Variants in UBE2F observed in about 807,000 individuals in gnomAD.
UBE2F encodes ubiquitin conjugating enzyme E2 F (putative), also known as NEDD8-conjugating enzyme UBE2F.
A neutral mutation model predicts 29.6 loss-of-function variants in UBE2F; 5 were observed. The observed-to-expected ratio is 0.17, with a 90% CI of 0.09 to 0.36. The LOEUF (loss-of-function observed/expected upper bound fraction) is 0.36, where lower values mean the gene tolerates loss of function less well. Ranked by LOEUF, UBE2F falls within the 10% of genes least tolerant of loss-of-function variation. The pLI, the probability that UBE2F is intolerant of heterozygous loss-of-function variation, is 1.00. For synonymous variants in UBE2F, 66 were observed against 81.8 expected, an observed-to-expected ratio of 0.81 and a Z score of 1.04; for missense variants, 141 against 228.5, an observed-to-expected ratio of 0.62 and a Z score of 2.47.
At chr2:238,035,545 T>G (rs1272316863) in intron 8 of UBE2F, 1 of 197,698 alleles carries the variant, frequency 5.1e-6, no homozygotes, top group African/African-American at 2.3e-5. Context: ...TTGGAAATGC[T>G]TAATAATAGT....
intron 4 of UBE2F, among the ~76,000 whole-genome samples, chr2:238,015,675 G>T (rs1440886876): frequency 6.6e-6 from 1 of 152,130 alleles, no homozygotes; most frequent in Non-Finnish European, 1.5e-5. Flanking sequence ...AAAATGATAA[G>T]ATTTAATATT....
At chr2:238,008,106 G>A (rs2326005) in intron 4 of UBE2F, among the ~76,000 whole-genome samples, 74,928 of 151,836 alleles carry the variant, frequency 0.49, 18,989 homozygotes, top group African/African-American at 0.61. Flanking sequence ...GATGCCCATC[G>A]TCTGTAGTGG....
intron 7 of UBE2F, among the ~76,000 whole-genome samples, chr2:238,031,038 A>G (rs1576639519): frequency 6.6e-6 from 1 of 152,208 alleles, no homozygotes; most frequent in Admixed American, 6.5e-5. Context: ...GGTACCTAAC[A>G]TCAGGCAGGG....
intron 6 of UBE2F, among the ~76,000 whole-genome samples, chr2:238,025,703 C>T (rs377707690): frequency 6.6e-6 from 1 of 152,136 alleles, no homozygotes; most frequent in African/African-American, 2.4e-5. Context: ...TGCCTTGTTC[C>T]CCTCCTATTT....
intron 2 of UBE2F, among the ~76,000 whole-genome samples, chr2:237,981,501 G>GT (rs977927900): frequency 2.6e-5 from 4 of 151,992 alleles, no homozygotes; most frequent in African/African-American, 9.7e-5. Context: ...TGTGACTGTG[G>GT]TGGGATCATT....
intron 4 of UBE2F, among the ~76,000 whole-genome samples, chr2:238,015,605 ATGACT>A (rs1227901597): frequency 3.3e-5 from 5 of 152,194 alleles, no homozygotes; most frequent in Non-Finnish European, 7.4e-5. Context: ...TTTTTTAATG[ATGACT>A]TGTTTGAGGC....
intron 5 of UBE2F, among the ~76,000 whole-genome samples, chr2:238,023,574 A>C (rs1273860983): frequency 6.6e-6 from 1 of 152,262 alleles, no homozygotes; most frequent in Non-Finnish European, 1.5e-5. Context: ...TAAGTATGGC[A>C]TCAAAGATAA....
intron 5 of UBE2F, among the ~76,000 whole-genome samples, chr2:238,022,394 C>T (rs1559223148): frequency 6.6e-6 from 1 of 152,066 alleles, no homozygotes; most frequent in Non-Finnish European, 1.5e-5. Context: ...ATTTGTTTTT[C>T]TTCTAGATTT....
chr2:237,974,500 GGT>G (rs1491250919), intron 2 of UBE2F, among the ~76,000 whole-genome samples: 24 of 77,660 alleles, frequency 3.1e-4, no homozygotes, highest in East Asian at 9.6e-4. Flanking sequence ...AAATTTTTGT[GGT>G]TTTTTTTTTT....
At chr2:238,001,692 C>T (rs559997160) in intron 4 of UBE2F, among the ~76,000 whole-genome samples, 26 of 151,842 alleles carry the variant, frequency 1.7e-4, no homozygotes, top group African/African-American at 5.3e-4. Flanking sequence ...TGGTGGCGGG[C>T]GCCTGTAGTC....
chr2:238,029,547 G>T (rs2064521316), intron 6 of UBE2F, among the ~76,000 whole-genome samples: 1 of 150,594 alleles, frequency 6.6e-6, no homozygotes. Context: ...AGTGAGCCGA[G>T]ATCGTGCCAC....
At chr2:237,989,503 C>T (rs1010831585) in intron 3 of UBE2F, among the ~76,000 whole-genome samples, 9 of 152,148 alleles carry the variant, frequency 5.9e-5, no homozygotes, top group Admixed American at 3.3e-4. Context: ...CAGGCATGCA[C>T]CACCACGCCA....
At chr2:237,991,609 C>CTTTTTTTTTT (rs774476848) in intron 3 of UBE2F, among the ~76,000 whole-genome samples, 2 of 53,052 alleles carry the variant, frequency 3.8e-5, no homozygotes, top group African/African-American at 1.4e-4. Context: ...TTCTTTCTTT[C>CTTTTTTTTTT]TTTTTTTTTT....
intron 5 of UBE2F, among the ~76,000 whole-genome samples, chr2:238,019,795 G>A (rs1049107192): frequency 6.6e-5 from 10 of 151,716 alleles, no homozygotes; most frequent in Admixed American, 2.6e-4. Flanking sequence ...GAGTAGCTGG[G>A]ATTACAGGTG....
At chr2:238,038,196 G>A (rs983765971) in intron 9 of UBE2F, among the ~76,000 whole-genome samples, 1 of 152,222 alleles carries the variant, frequency 6.6e-6, no homozygotes, top group African/African-American at 2.4e-5. Flanking sequence ...GGGGAGTGGT[G>A]CAGTGCAACC....
intron 9 of UBE2F, 51 bp downstream of exon 9, chr2:238,035,991 A>G (rs2064699397): frequency 2.1e-6 from 3 of 1,455,538 alleles, no homozygotes; most frequent in Non-Finnish European, 1.9e-6. Context: ...CACGAACACG[A>G]TTACTACTGT....
At chr2:238,025,455 A>C (rs977883951) in intron 6 of UBE2F, 43 bp downstream of exon 6, 3 of 1,542,252 alleles carry the variant, frequency 1.9e-6, no homozygotes, top group East Asian at 4.5e-5. Context: ...CGTGAGTGTC[A>C]TGTGCAAGCG....
At chr2:237,987,866 T>TTTGATTCAG in intron 2 of UBE2F, 97 bp from the exon 3 acceptor site, 2 of 667,992 alleles carry the variant, frequency 3.0e-6, no homozygotes, top group Non-Finnish European at 5.1e-6. Flanking sequence ...TTTTTTTTTT[T>TTTGATTCAG]TTGATTCAGT....
intron 2 of UBE2F, chr2:237,986,187 G>A (rs1197544934): frequency 5.1e-6 from 2 of 395,850 alleles, no homozygotes; most frequent in Non-Finnish European, 9.7e-6. Context: ...GTCACGTAGA[G>A]TGAGTGGTGT....
Sources: gnomAD v4.1 joint callset for allele counts (sites outside exome capture counted in the v4.1 genomes callset) on GRCh38, gnomAD v4.1.1 for gene constraint, MANE v1.5 for transcripts, NCBI Gene and HGNC (gene_info 2026-07-23, HGNC 2026-07-21) for gene names.